The following LMF1 variants were observed in gnomAD, a reference collection of about 807,000 sequenced individuals.
LMF1 encodes transmembrane protein 112.
Under a neutral mutation model 60.6 loss-of-function variants are expected in LMF1, and 68 were observed. The observed-to-expected ratio is 1.12, with a 90% CI of 0.92 to 1.37. The LOEUF is 1.37. Ranked by LOEUF, LMF1 falls within the 40% of genes most tolerant of loss-of-function variation. The pLI is 0.00. For synonymous variants in LMF1, 418 were observed against 324.7 expected, an observed-to-expected ratio of 1.29 and a Z score of -3.09; for missense variants, 948 against 767.2, an observed-to-expected ratio of 1.24 and a Z score of -2.78.
chr16:864,968 T>C (rs1219951019), intron 10 of LMF1, among the ~76,000 whole-genome samples: 1 of 152,226 alleles, frequency 6.6e-6, no homozygotes, highest in Non-Finnish European at 1.5e-5. Flanking sequence ...ACATTGAATA[T>C]ACAGTCGGTC....
chr16:901,057 G>A (rs2070799093), intron 4 of LMF1: 1 of 149,814 alleles, frequency 6.7e-6, no homozygotes, highest in African/African-American at 2.4e-5. Context: ...TCTCCAGACA[G>A]AAGCCAGGTA....
chr16:974,952 C>T (rs2073107062), upstream of LMF1, among the ~76,000 whole-genome samples: 1 of 152,230 alleles, frequency 6.6e-6, no homozygotes, highest in Non-Finnish European at 1.5e-5. Flanking sequence ...ATGCTAACAT[C>T]TGTTGCCTCC....
chr16:919,098 A>C (rs942200926), intron 3 of LMF1, among the ~76,000 whole-genome samples: 4 of 151,880 alleles, frequency 2.6e-5, no homozygotes, highest in Non-Finnish European at 1.5e-5. Context: ...CCCAGGCTGC[A>C]GAATCAGGTG....
intron 10 of LMF1, among the ~76,000 whole-genome samples, chr16:867,019 T>G (rs2069627783): frequency 6.6e-6 from 1 of 152,184 alleles, no homozygotes; most frequent in Admixed American, 6.5e-5. Context: ...CAGGGGTAAG[T>G]GTCTGTTCCA....
At chr16:911,696 A>G (rs58538650) in intron 3 of LMF1, among the ~76,000 whole-genome samples, 731 of 64,670 alleles carry the variant, frequency 0.011, 16 homozygotes, top group Middle Eastern at 0.023. Flanking sequence ...GCACTGGGGG[A>G]GCAGCACTGG....
At chr16:879,064 G>A (rs2070081673) in intron 6 of LMF1, among the ~76,000 whole-genome samples, 2 of 152,092 alleles carry the variant, frequency 1.3e-5, no homozygotes, top group African/African-American at 4.8e-5. Context: ...GGCGGTGACT[G>A]TGGGCAGGAC....
At chr16:869,706 C>T (rs2069719843) in intron 9 of LMF1, among the ~76,000 whole-genome samples, 177 bp downstream of exon 9, 2 of 152,170 alleles carry the variant, frequency 1.3e-5, no homozygotes, top group Non-Finnish European at 2.9e-5. Context: ...TGAGGCCCCT[C>T]CTAAGGCTGG....
chr16:952,900 A>G (rs1393931974), intron 2 of LMF1, among the ~76,000 whole-genome samples: 2 of 131,848 alleles, frequency 1.5e-5, no homozygotes, highest in South Asian at 5.0e-4. Context: ...CACCCACCCC[A>G]AACCAGCCTC....
intron 1 of LMF1, among the ~76,000 whole-genome samples, chr16:963,522 C>T (rs543529666): frequency 2.4e-4 from 37 of 152,112 alleles, no homozygotes; most frequent in African/African-American, 7.5e-4. Flanking sequence ...TGTATGTGTG[C>T]GTGTGCAGGG....
intron 4 of LMF1, among the ~76,000 whole-genome samples, chr16:895,807 G>A (rs1176968242): frequency 4.6e-5 from 7 of 152,204 alleles, no homozygotes; most frequent in Non-Finnish European, 1.0e-4. Flanking sequence ...TGAGCCAGAC[G>A]GGACACCACC....
chr16:881,538 AG>A (rs1275778142), intron 5 of LMF1: 4 of 152,350 alleles, frequency 2.6e-5, no homozygotes, highest in Non-Finnish European at 5.9e-5. Context: ...GAAAAACATG[AG>A]GAAAGAGTGA....
chr16:866,378 CCATGACACTATGGCGGGGGTGGCCTA>C (rs2069610611), intron 10 of LMF1, among the ~76,000 whole-genome samples: 1 of 152,162 alleles, frequency 6.6e-6, no homozygotes, highest in Non-Finnish European at 1.5e-5. Context: ...CACTAGGCCT[CCATGACACTATGGCGGGGGTGGCCTA>C]GTCATTGCTG....
intron 6 of LMF1, among the ~76,000 whole-genome samples, chr16:877,522 G>A (rs2070026843): frequency 2.0e-5 from 3 of 152,206 alleles, no homozygotes; most frequent in South Asian, 4.1e-4. Flanking sequence ...CAGCATTAAT[G>A]TAACTCGCCA....
At chr16:859,290 T>G (rs2069345385) in intron 10 of LMF1, among the ~76,000 whole-genome samples, 1 of 59,418 alleles carries the variant, frequency 1.7e-5, no homozygotes, top group Non-Finnish European at 2.9e-5. Context: ...TCGGGACGGG[T>G]GTGAGTGGTG....
chr16:907,078 C>T (rs2070990066), intron 4 of LMF1, among the ~76,000 whole-genome samples: 1 of 152,164 alleles, frequency 6.6e-6, no homozygotes, highest in Non-Finnish European at 1.5e-5. Context: ...TTAACATTTT[C>T]ATTTTGACAT....
chr16:972,104 G>A (rs148618882), upstream of LMF1, among the ~76,000 whole-genome samples: 1,760 of 152,322 alleles, frequency 0.012, 26 homozygotes, highest in South Asian at 0.099. Context: ...TGTGTGGGCA[G>A]GGACTGACTG....
chr16:981,332 G>C (rs1395708319), upstream of LMF1: 4 of 336,624 alleles, frequency 1.2e-5, no homozygotes, highest in Non-Finnish European at 2.4e-5. Context: ...GAGAGAGAGA[G>C]AGAGAGAGAG....
chr16:954,065 C>CAGCTTCCTACATGTCCA (rs2072600083), intron 2 of LMF1, among the ~76,000 whole-genome samples: 2 of 151,970 alleles, frequency 1.3e-5, no homozygotes, highest in African/African-American at 2.4e-5. Context: ...AGACACAGAC[C>CAGCTTCCTACATGTCCA]CACTGCTTCT....
intron 6 of LMF1, among the ~76,000 whole-genome samples, chr16:875,191 G>A (rs1038951931): frequency 3.9e-5 from 6 of 152,036 alleles, no homozygotes; most frequent in Admixed American, 6.5e-5. Flanking sequence ...ACAGTCCCAG[G>A]TGCAGTGAGG....
Sources: allele counts gnomAD v4.1 joint callset (sites outside exome capture counted in the v4.1 genomes callset), GRCh38; gene constraint gnomAD v4.1.1; transcripts MANE v1.5; gene names NCBI Gene and HGNC (gene_info 2026-07-23, HGNC 2026-07-21).